Variants in BEND2 observed in about 807,000 individuals in gnomAD.
BEND2 encodes the protein BEN domain-containing protein 2.
Under a neutral mutation model 43.8 loss-of-function variants are expected in BEND2, and 19 were observed. The ratio of observed to expected loss-of-function variants is 0.43; its 90% CI spans 0.30 to 0.64. The LOEUF is 0.64. BEND2 is among the 30% of genes least tolerant of loss of function. The pLI, the probability that BEND2 is intolerant of heterozygous loss-of-function variation, is 0.11. For missense variants in BEND2, 544 were observed against 574.0 expected, an observed-to-expected ratio of 0.95 and a Z score of 0.53; for synonymous variants, 226 against 210.1, an observed-to-expected ratio of 1.08 and a Z score of -0.66.
intron 8 of BEND2, among the ~76,000 whole-genome samples, chrX:18,184,172 C>A (rs995268059): frequency 1.2e-4 from 13 of 111,373 alleles, no homozygotes; most frequent in Admixed American, 1.0e-3. Context: ...GACAGAGACT[C>A]CTTTGTTTGG....
At chrX:18,170,504 A>C in intron 13 of BEND2, among the ~76,000 whole-genome samples, 1 of 112,706 alleles carries the variant, frequency 8.9e-6, no homozygotes, top group Non-Finnish European at 1.9e-5. Flanking sequence ...GACACAAGTA[A>C]GAAATATTTT....
At chrX:18,199,892 T>C (rs1466617722) in intron 6 of BEND2, among the ~76,000 whole-genome samples, 1 of 111,288 alleles carries the variant, frequency 9.0e-6, no homozygotes, top group Non-Finnish European at 1.9e-5. Flanking sequence ...ATAACAGAAA[T>C]ATGAATGTGG....
chrX:18,174,398 T>C, intron 11 of BEND2, 140 bp from the exon 12 acceptor site: 1 of 512,122 alleles, frequency 2.0e-6, no homozygotes, highest in Non-Finnish European at 3.2e-6. Context: ...ATAGGAATAC[T>C]GTGTGTCGCA....
intron 2 of BEND2, 22 bp downstream of exon 2, chrX:18,216,499 G>A: frequency 8.5e-7 from 1 of 1,170,949 alleles, no homozygotes. Flanking sequence ...ATTTTGCCAA[G>A]GATGAAATTT....
At chrX:18,172,923 GAGA>G (rs1225997505) in intron 12 of BEND2, among the ~76,000 whole-genome samples, 17 of 110,847 alleles carry the variant, frequency 1.5e-4, no homozygotes, top group African/African-American at 5.6e-4. Flanking sequence ...TATAATATTA[GAGA>G]AGGAGAGTAA....
At chrX:18,174,792 T>G (rs988031254) in intron 11 of BEND2, among the ~76,000 whole-genome samples, 2 of 110,206 alleles carry the variant, frequency 1.8e-5, no homozygotes, top group African/African-American at 6.6e-5. Flanking sequence ...GATTCTAATA[T>G]GCACCCAGGG....
rs59031812 is a variant in BEND2, at chrX:18,190,740, A to ACTCT, written c.1288+257_1288+260dup. Among the ~76,000 whole-genome samples the ACTCT allele has an allele frequency of 3.8e-3, 370 of 98,213 alleles. 4 individuals are homozygous for ACTCT. The highest frequency in any genetic ancestry group is 0.012 in the African/African-American group (324 of 26,053). The allele number at this position is 98,213 out of a possible 115,157, so 85.3% of individuals were successfully genotyped here. ...CATAAAATTCCAGACAACTAAATAT[A>ACTCT]CTCTCTCTCTCTCTCTCTCTCTCTC... On this transcript the variant is annotated intron_variant, in intron 8 of 13. Coordinates refer to ENST00000380033, the MANE Select transcript of BEND2 (RefSeq NM_153346.5).
At chrX:18,205,669 G>A (rs190442276) in intron 4 of BEND2, among the ~76,000 whole-genome samples, 180 of 106,467 alleles carry the variant, frequency 1.7e-3, no homozygotes, top group Non-Finnish European at 2.0e-3. Flanking sequence ...TCTCAGCTGG[G>A]AGAGAGACAA....
intron 11 of BEND2, among the ~76,000 whole-genome samples, chrX:18,175,126 T>C (rs1242521112): frequency 1.8e-5 from 2 of 111,903 alleles, no homozygotes; most frequent in African/African-American, 3.2e-5. Flanking sequence ...AGGGTGCAAT[T>C]TTTGAAGGCT....
At chrX:18,168,127 A>T (rs982207546) in intron 13 of BEND2, among the ~76,000 whole-genome samples, 15 of 112,444 alleles carry the variant, frequency 1.3e-4, no homozygotes, top group African/African-American at 4.8e-4. Context: ...AGAGACCTCT[A>T]TGTTGGAAAG....
chrX:18,214,583 G>A lies in BEND2; in HGVS notation c.239-672C>T, dbSNP rs1041935692. On this transcript the variant is annotated intron_variant, in intron 2 of 13. Coordinates refer to ENST00000380033, the MANE Select transcript of BEND2 (RefSeq NM_153346.5). Reference sequence around the variant, plus strand: ...TCATGCCTGTAATCCCAGCACTTTGGGGGGCTGAGGCGGGCGGATCACTTG... The same window carrying A: ...TCATGCCTGTAATCCCAGCACTTTGAGGGGCTGAGGCGGGCGGATCACTTG... Among the ~76,000 whole-genome samples the A allele has an allele frequency of 2.7e-5, 3 of 110,075 alleles. No homozygotes were observed. The Admixed American group carries it at 2.9e-4, about 11-fold the overall frequency.
At chrX:18,206,114 C>T (rs1466123565) in intron 4 of BEND2, among the ~76,000 whole-genome samples, 4 of 111,797 alleles carry the variant, frequency 3.6e-5, no homozygotes, top group African/African-American at 3.2e-5. Context: ...TTACTACTAA[C>T]GGTAACAACA....
intron 4 of BEND2, among the ~76,000 whole-genome samples, chrX:18,208,006 C>T (rs183092234): frequency 3.3e-3 from 322 of 97,357 alleles, no homozygotes; most frequent in African/African-American, 0.012. Context: ...GCAATAAGAG[C>T]GAAATTCTGT....
chrX:18,178,418 G>T (rs1254912031), intron 9 of BEND2, among the ~76,000 whole-genome samples: 2 of 111,550 alleles, frequency 1.8e-5, no homozygotes, highest in African/African-American at 3.3e-5. Context: ...CACACTGCTA[G>T]TTACAGAACC....
chrX:18,209,054 A>G (rs1925427980), intron 4 of BEND2, among the ~76,000 whole-genome samples: 1 of 112,034 alleles, frequency 8.9e-6, no homozygotes, highest in African/African-American at 3.2e-5. Flanking sequence ...ACAAGTCAAA[A>G]GGCCATGGGA....
intron 5 of BEND2, among the ~76,000 whole-genome samples, chrX:18,202,274 T>C (rs1269189651): frequency 8.9e-6 from 1 of 112,193 alleles, no homozygotes; most frequent in Non-Finnish European, 1.9e-5. Flanking sequence ...GTTAGGCAGT[T>C]TCTCATAAAA....
At chrX:18,184,368 G>T (rs1924500158) in intron 8 of BEND2, among the ~76,000 whole-genome samples, 1 of 111,841 alleles carries the variant, frequency 8.9e-6, no homozygotes, top group Admixed American at 9.5e-5. Flanking sequence ...TGTAATCTCA[G>T]CTACTTGGGA....
At chrX:18,165,703 T>A (rs1923806086) in intron 13 of BEND2, among the ~76,000 whole-genome samples, 1 of 112,038 alleles carries the variant, frequency 8.9e-6, no homozygotes, top group Non-Finnish European at 1.9e-5. Context: ...GGTCTTTAGA[T>A]CTTGCAATTA....
In BEND2 at chrX:18,220,751, C is replaced by G. The variant is rs150697785; in HGVS notation, c.-1G>C. On this transcript the variant is annotated 5_prime_UTR_variant, in exon 1 of 14. Coordinates refer to ENST00000380033, the MANE Select transcript of BEND2 (RefSeq NM_153346.5). ...CCTGTTCCTGGGTCCTCTCTGACAT[C>G]GTGAGATGGCGGGGTCTGGCTCTGA... The G allele has an allele frequency of 2.9e-3, 3,557 of 1,206,945 alleles. 64 individuals carry two copies. The African/African-American group carries it at 0.054, about 18-fold the overall frequency.
Sources: allele counts gnomAD v4.1 joint callset (sites outside exome capture counted in the v4.1 genomes callset), GRCh38; gene constraint gnomAD v4.1.1; transcripts MANE v1.5; gene names NCBI Gene and HGNC (gene_info 2026-07-23, HGNC 2026-07-21).